The following CORIN variants were observed in gnomAD, a reference collection of about 807,000 sequenced individuals.
CORIN encodes the protein corin, serine peptidase, also known as atrial natriuretic peptide-converting enzyme.
A neutral mutation model predicts 125.3 loss-of-function variants in CORIN; 117 were observed. The observed-to-expected ratio is 0.93, with a 90% CI of 0.80 to 1.09. The LOEUF (loss-of-function observed/expected upper bound fraction) is 1.09, where lower values mean the gene tolerates loss of function less well. Among genes scored for constraint, CORIN ranks in the 50% least tolerant of loss-of-function variants. The pLI is 0.00. For synonymous variants in CORIN, 450 were observed against 466.4 expected (o/e 0.96, Z 0.45); for missense variants, 1,253 against 1,306.7 (o/e 0.96, Z 0.63).
At chr4:47,670,316 T>C (rs536534303) in intron 10 of CORIN, among the ~76,000 whole-genome samples, 1 of 152,200 alleles carries the variant, frequency 6.6e-6, no homozygotes, top group African/African-American at 2.4e-5. Flanking sequence ...GTATTCAATC[T>C]TTTTTTCACT....
At chr4:47,804,927 G>C (rs920944239) in intron 2 of CORIN, among the ~76,000 whole-genome samples, 7 of 151,506 alleles carry the variant, frequency 4.6e-5, no homozygotes, top group Non-Finnish European at 1.0e-4. Context: ...ACGCGGTCAG[G>C]AGATCGAGAC....
chr4:47,797,217 TATA>T (rs1731334718), intron 2 of CORIN, among the ~76,000 whole-genome samples: 1 of 148,204 alleles, frequency 6.7e-6, no homozygotes, highest in South Asian at 2.1e-4. Flanking sequence ...TAATATATAA[TATA>T]ATATATAATT....
At position 47,626,498 on chromosome 4, in the gene CORIN, A is replaced by C; in HGVS notation, c.2222T>G (p.Ile741Arg). 6.2e-7 allele frequency: 1 copy of C among 1,613,818 alleles called. No individual in the cohort carries two copies. The highest frequency in any genetic ancestry group is 1.1e-5 in the South Asian group (1 of 91,068). ...CCGCGGCTCTTTCTCCTGTTCCTGT[A>C]TCAATTTGGTCACAGATGGTTCTCT... ...GLGEPSVTKL[I>R]QEQEKEPRWL... Residue 741 changes from isoleucine to arginine, a missense_variant, in exon 17 of 22, where the codon ATA becomes AGA. Coordinates refer to ENST00000273857, the MANE Select transcript of CORIN (RefSeq NM_006587.4).
intron 5 of CORIN, chr4:47,706,588 C>T: frequency 6.2e-7 from 1 of 1,604,712 alleles, no homozygotes; most frequent in East Asian, 2.2e-5. Flanking sequence ...TGGCCGAAAA[C>T]GCCCAGTTCC....
chr4:47,610,544 G>A (rs1721830626), intron 19 of CORIN, among the ~76,000 whole-genome samples: 1 of 151,926 alleles, frequency 6.6e-6, no homozygotes, highest in Non-Finnish European at 1.5e-5. Flanking sequence ...CATTCTGTAG[G>A]TTGTCTATTC....
intron 5 of CORIN, among the ~76,000 whole-genome samples, chr4:47,703,411 G>A (rs568953385): frequency 6.6e-6 from 1 of 152,256 alleles, no homozygotes; most frequent in South Asian, 2.1e-4. Flanking sequence ...GAGGAAATGA[G>A]TTCATAAACA....
chr4:47,771,913 T>C (rs1730049686), intron 3 of CORIN, among the ~76,000 whole-genome samples: 1 of 152,224 alleles, frequency 6.6e-6, no homozygotes, highest in African/African-American at 2.4e-5. Context: ...CAATGCCACG[T>C]AAATTATCAG....
At chr4:47,716,664 G>T (rs1232224354) in intron 5 of CORIN, among the ~76,000 whole-genome samples, 2 of 152,000 alleles carry the variant, frequency 1.3e-5, no homozygotes, top group Non-Finnish European at 2.9e-5. Context: ...ATATATAGAT[G>T]ACTTTTTCTA....
chr4:47,641,823 G>A (rs906518682), intron 16 of CORIN, 97 bp downstream of exon 16: 37 of 1,406,782 alleles, frequency 2.6e-5, no homozygotes, highest in Non-Finnish European at 3.4e-5. Flanking sequence ...CTTTGTTTGA[G>A]AGCACTAACT....
At chr4:47,662,141 T>C (rs1724279093) in intron 11 of CORIN, among the ~76,000 whole-genome samples, 2 of 152,260 alleles carry the variant, frequency 1.3e-5, no homozygotes, top group African/African-American at 4.8e-5. Context: ...ACACTGCCTT[T>C]CTCATTCTGT....
chr4:47,758,756 G>T (rs963567946), intron 4 of CORIN, among the ~76,000 whole-genome samples: 1 of 152,160 alleles, frequency 6.6e-6, no homozygotes, highest in Non-Finnish European at 1.5e-5. Flanking sequence ...AGATCTGATG[G>T]TTTTATAAGG....
chr4:47,618,489 G>A (rs924063006), intron 19 of CORIN, among the ~76,000 whole-genome samples: 2 of 151,872 alleles, frequency 1.3e-5, no homozygotes, highest in Admixed American at 6.6e-5. Flanking sequence ...GAAGTGAGAA[G>A]TGATGAACCC....
intron 19 of CORIN, among the ~76,000 whole-genome samples, chr4:47,620,224 T>G (rs2109546087): frequency 6.6e-6 from 1 of 152,334 alleles, no homozygotes; most frequent in East Asian, 1.9e-4. Flanking sequence ...CTGTATCCTC[T>G]ACAAACAAGA....
At chr4:47,650,881 C>T (rs1245942159) in intron 13 of CORIN, among the ~76,000 whole-genome samples, 2 of 152,192 alleles carry the variant, frequency 1.3e-5, no homozygotes, top group Non-Finnish European at 2.9e-5. Flanking sequence ...TTGCACAATT[C>T]ATCCCAACAC....
intron 19 of CORIN, among the ~76,000 whole-genome samples, chr4:47,614,912 T>G (rs946154439): frequency 1.3e-5 from 2 of 152,150 alleles, no homozygotes; most frequent in Admixed American, 6.5e-5. Flanking sequence ...CAAATAAGAT[T>G]ATCTCGGGCA....
At position 47,802,623 on chromosome 4, in the gene CORIN, G is replaced by GT. The variant is rs1424245945; in HGVS notation, c.208+4279dup. On this transcript the variant is annotated intron_variant, in intron 2 of 21. Transcript: ENST00000273857. ...ATAGAACACCAGCTAAAGTTCTAAG[G>GT]TTTTTTACTTCAATCCGTGGCTCCA... 3.3e-5 allele frequency among the ~76,000 whole-genome samples: 5 copies of GT among 152,278 alleles called. No homozygotes were observed. In the East Asian group the frequency reaches 9.7e-4, roughly 29 times the overall value.
intron 19 of CORIN, among the ~76,000 whole-genome samples, chr4:47,622,263 G>A (rs965270329): frequency 6.6e-6 from 1 of 151,658 alleles, no homozygotes; most frequent in Non-Finnish European, 1.5e-5. Context: ...TGGACATTTG[G>A]GTTGGTTCCA....
intron 2 of CORIN, among the ~76,000 whole-genome samples, chr4:47,801,116 A>G (rs1314084745): frequency 6.6e-6 from 1 of 152,102 alleles, no homozygotes; most frequent in Non-Finnish European, 1.5e-5. Context: ...CAAACATCAT[A>G]TTTGGTCACA....
intron 6 of CORIN, among the ~76,000 whole-genome samples, chr4:47,692,606 C>A (rs1027132142): frequency 6.6e-6 from 1 of 150,810 alleles, no homozygotes; most frequent in Admixed American, 6.6e-5. Flanking sequence ...AGTTAAGAAT[C>A]ATTAGGGTGA....
Sources: gnomAD v4.1 joint callset for allele counts (sites outside exome capture counted in the v4.1 genomes callset) on GRCh38, gnomAD v4.1.1 for gene constraint, MANE v1.5 for transcripts, NCBI Gene and HGNC (gene_info 2026-07-23, HGNC 2026-07-21) for gene names.